Variants in NPR3 observed in about 807,000 individuals in gnomAD.
NPR3 encodes natriuretic peptide receptor 3.
NPR3 carries 34 observed loss-of-function variants against 54.5 expected under a neutral mutation model. The ratio of observed to expected loss-of-function variants is 0.62; its 90% confidence interval spans 0.47 to 0.83. The LOEUF (loss-of-function observed/expected upper bound fraction) is 0.83. Among genes scored for constraint, NPR3 ranks in the 40% least tolerant of loss-of-function variants. The pLI is 0.00. For missense variants in NPR3, 674 were observed against 720.8 expected, an observed-to-expected ratio of 0.94 and a Z score of 0.74; for synonymous variants, 289 against 297.1, an observed-to-expected ratio of 0.97 and a Z score of 0.28.
At chr5:32,739,136 G>C (rs758303292) in intron 3 of NPR3, 106 bp downstream of exon 3, 1 of 1,134,006 alleles carries the variant, frequency 8.8e-7, no homozygotes, top group Non-Finnish European at 1.2e-6. Flanking sequence ...AAAATTCCTA[G>C]GTTCAGGTCT....
intron 1 of NPR3, among the ~76,000 whole-genome samples, chr5:32,693,091 C>T (rs1740439651): frequency 6.6e-6 from 1 of 151,778 alleles, no homozygotes; most frequent in African/African-American, 2.4e-5. Context: ...CACTGCACTC[C>T]ATCCTGGGAA....
intron 2 of NPR3, among the ~76,000 whole-genome samples, chr5:32,735,447 T>C (rs540122783): frequency 2.1e-4 from 31 of 150,910 alleles, no homozygotes; most frequent in South Asian, 1.5e-3. Flanking sequence ...TCAATGCTTA[T>C]TGTTGAAAAT....
rs778834560 is a variant in NPR3, at chr5:32,789,403, T to G, written c.*3058T>G. ...CCCTCAAGACTGACCACAGGTTTCA[T>G]GAGAAGGTCCCTGAAAACATCACAT... On this transcript the variant is annotated 3_prime_UTR_variant, in exon 8 of 8. Coordinates refer to ENST00000265074, the MANE Select transcript of NPR3 (RefSeq NM_001204375.2). 1.9e-6 allele frequency: 1 copy of G among 513,534 alleles called. No individual in the cohort carries two copies. The highest frequency in any genetic ancestry group is 1.5e-5 in the South Asian group (1 of 67,904). 31.8% of individuals were successfully genotyped at this position (513,534 alleles called of 1,614,324 possible). A position where few individuals can be genotyped will look rare whatever the true frequency, so the allele number is the denominator to read the frequency against.
At chr5:32,695,478 C>A (rs1179437885) in intron 1 of NPR3, among the ~76,000 whole-genome samples, 2 of 152,152 alleles carry the variant, frequency 1.3e-5, no homozygotes, top group Non-Finnish European at 2.9e-5. Context: ...CGGTGTTAGT[C>A]AGGATGATCT....
intron 2 of NPR3, 118 bp downstream of exon 2, chr5:32,724,938 C>A: frequency 1.8e-6 from 2 of 1,115,756 alleles, no homozygotes; most frequent in Non-Finnish European, 2.6e-6. Context: ...GAATACTATG[C>A]AGCTTTATAA....
At chr5:32,710,298 A>C (rs1738141512), upstream of NPR3, 1 of 154,792 alleles carries the variant, frequency 6.5e-6, no homozygotes, top group South Asian at 2.0e-4. Flanking sequence ...TGGATCTTTG[A>C]GCACTCAGGT....
At chr5:32,732,887 C>A (rs1223751510) in intron 2 of NPR3, among the ~76,000 whole-genome samples, 1 of 151,882 alleles carries the variant, frequency 6.6e-6, no homozygotes, top group African/African-American at 2.4e-5. Context: ...TCTTGTCACC[C>A]AGGCTGAATT....
At chr5:32,699,417 G>A (rs1236315868) in intron 1 of NPR3, among the ~76,000 whole-genome samples, 1 of 152,028 alleles carries the variant, frequency 6.6e-6, no homozygotes, top group Non-Finnish European at 1.5e-5. Context: ...TAGGTTTTAA[G>A]CCCCGAATGC....
intron 2 of NPR3, among the ~76,000 whole-genome samples, chr5:32,728,813 ATTTG>A (rs1739263873): frequency 2.0e-5 from 2 of 98,990 alleles, no homozygotes; most frequent in Non-Finnish European, 3.9e-5. Flanking sequence ...ATTTTGGAAT[ATTTG>A]TGTGTGTGTG....
chr5:32,738,549 T>C (rs751619931), intron 2 of NPR3, among the ~76,000 whole-genome samples: 2 of 152,154 alleles, frequency 1.3e-5, no homozygotes, highest in Non-Finnish European at 2.9e-5. Context: ...AAAAACTGAG[T>C]TCTTTCTCTT....
intron 1 of NPR3, among the ~76,000 whole-genome samples, chr5:32,712,920 G>A (rs1468917257): frequency 6.6e-6 from 1 of 152,140 alleles, no homozygotes; most frequent in Non-Finnish European, 1.5e-5. Context: ...TGAAGCATCC[G>A]AGGCGGAAAG....
chr5:32,742,015 C>G (rs1180664993), intron 3 of NPR3, among the ~76,000 whole-genome samples: 2 of 149,790 alleles, frequency 1.3e-5, no homozygotes, highest in Non-Finnish European at 3.0e-5. Context: ...TGGCTGGGTT[C>G]GCAGAGACTA....
At position 32,787,300 on chromosome 5, in the gene NPR3, G is replaced by T. The variant is rs1352587640; in HGVS notation, c.*955G>T. The T allele has an allele frequency of 6.6e-6, 1 of 152,270 alleles. No homozygotes were observed. Among genetic ancestry groups the T allele is most frequent in the Admixed American group, 6.5e-5 (1 of 15,278 alleles). The allele number at this position is 152,270 out of a possible 1,614,324, so 9.4% of individuals were successfully genotyped here. A position where few individuals can be genotyped will look rare whatever the true frequency, so the allele number is the denominator to read the frequency against. On this transcript the variant is annotated 3_prime_UTR_variant, in exon 8 of 8. Transcript: ENST00000265074. ...TGTATTCAGATTACAAACTCTACAG[G>T]AATACATCAACATTTTAACTCTTTT...
At chr5:32,717,496 C>G (rs977620651) in intron 1 of NPR3, among the ~76,000 whole-genome samples, 1 of 152,202 alleles carries the variant, frequency 6.6e-6, no homozygotes, top group African/African-American at 2.4e-5. Flanking sequence ...TCCTATTTCT[C>G]CACATCCTCT....
chr5:32,701,910 G>A (rs1318421250), intron 1 of NPR3, among the ~76,000 whole-genome samples: 2 of 152,214 alleles, frequency 1.3e-5, no homozygotes, highest in African/African-American at 4.8e-5. Context: ...GCTGCCTGAA[G>A]CCAGGGAATG....
chr5:32,783,229 G>T, intron 6 of NPR3: 1 of 469,312 alleles, frequency 2.1e-6, no homozygotes, highest in Non-Finnish European at 3.7e-6. Flanking sequence ...TTCCACAATG[G>T]TAGAATGTTT....
rs144180780 is a variant in NPR3, at chr5:32,749,745, C to T, written c.1059+10715C>T. Among the ~76,000 whole-genome samples, 669 of 152,294 alleles carry T rather than the reference C, an allele frequency of 4.4e-3. 4 individuals are homozygous for T. The highest frequency in any genetic ancestry group is 0.016 in the African/African-American group (650 of 41,556). On this transcript the variant is annotated intron_variant, in intron 3 of 7. Coordinates refer to ENST00000265074, the MANE Select transcript of NPR3 (RefSeq NM_001204375.2). ...CTTAAACCCAATTTTCAGTTTTATG[C>T]TTCACCCAATCTTCAGCTATGCCTG... is the stretch of plus-strand genomic sequence containing the variant.
At chr5:32,763,310 ATATT>A (rs1182050248) in intron 3 of NPR3, among the ~76,000 whole-genome samples, 1 of 151,508 alleles carries the variant, frequency 6.6e-6, no homozygotes, top group Non-Finnish European at 1.5e-5. Flanking sequence ...TTTTTTATTT[ATATT>A]TATTTATTTA....
chr5:32,736,368 G>A (rs17443641), intron 2 of NPR3, among the ~76,000 whole-genome samples: 8,930 of 151,940 alleles, frequency 0.059, 306 homozygotes, highest in Non-Finnish European at 0.073. Context: ...ATTTCGGTCC[G>A]TGAGATAGTT....
Sources: allele counts gnomAD v4.1 joint callset (sites outside exome capture counted in the v4.1 genomes callset), GRCh38; gene constraint gnomAD v4.1.1; transcripts MANE v1.5; gene names NCBI Gene and HGNC (gene_info 2026-07-23, HGNC 2026-07-21).